Variants in VPS13A observed in about 807,000 individuals in gnomAD.
VPS13A encodes the protein intermembrane lipid transfer protein VPS13A.
Under a neutral mutation model 390.9 loss-of-function variants are expected in VPS13A, and 264 were observed. The observed-to-expected ratio is 0.68, with a 90% confidence interval of 0.61 to 0.75. The LOEUF (loss-of-function observed/expected upper bound fraction) is 0.75, where lower values mean the gene tolerates loss of function less well. Ranked by LOEUF, VPS13A falls within the 30% of genes least tolerant of loss-of-function variation. The probability of loss-of-function intolerance (pLI) is 0.00; values close to 1 mark genes in which losing one functional copy is unlikely to be tolerated. For missense variants in VPS13A, 3,409 were observed against 3,733.9 expected, an observed-to-expected ratio of 0.91 and a Z score of 2.27; for synonymous variants, 1,231 against 1,227.1, an observed-to-expected ratio of 1.00 and a Z score of -0.07.
In VPS13A at chr9:77,353,673, A is replaced by G. The variant is rs1483106567; in HGVS notation, c.7652+32A>G. On this transcript the variant is annotated intron_variant, in intron 54 of 71. Coordinates refer to ENST00000360280, the MANE Select transcript of VPS13A (RefSeq NM_033305.3). ...TGCATTAAATTTTGGATACATTTAA[A>G]TGATCAGTTTCTAATTGTTAAGAAA... 6 of 1,546,892 alleles carry G rather than the reference A, an allele frequency of 3.9e-6. No individual in the cohort carries two copies. The African/African-American group carries it at 4.1e-5, about 11-fold the overall frequency.
At chr9:77,251,870 A>G (rs749771554) in intron 21 of VPS13A, among the ~76,000 whole-genome samples, 1 of 152,206 alleles carries the variant, frequency 6.6e-6, no homozygotes, top group African/African-American at 2.4e-5. Context: ...TGGGATTATT[A>G]TACAGAATTT....
chr9:77,370,609 T>C (rs773035615), intron 65 of VPS13A, 31 bp downstream of exon 65: 1 of 1,613,568 alleles, frequency 6.2e-7, no homozygotes, highest in Admixed American at 1.7e-5. Flanking sequence ...GTGAAGATTT[T>C]GGGAAATATC....
In VPS13A at chr9:77,357,849, C is replaced by G. The variant is rs775898467; in HGVS notation, c.7953+11C>G. ...ATTTACAGAATACAGGTAAGTCTTT[C>G]TGAAAATATAGGCAAAATTGTATTC... On this transcript the variant is annotated intron_variant, in intron 56 of 71. Transcript: ENST00000360280. 96 of 1,606,484 alleles carry G rather than the reference C, an allele frequency of 6.0e-5. No homozygotes were observed. The highest frequency in any genetic ancestry group is 8.1e-5 in the Non-Finnish European group (95 of 1,176,646).
At chr9:77,350,633 G>A (rs1196155447) in intron 52 of VPS13A, among the ~76,000 whole-genome samples, 1 of 152,096 alleles carries the variant, frequency 6.6e-6, no homozygotes, top group Non-Finnish European at 1.5e-5. Flanking sequence ...AACTGTGAGA[G>A]TAACATTTTT....
At chr9:77,409,461 C>T (rs1246083462) in intron 71 of VPS13A, among the ~76,000 whole-genome samples, 3 of 152,134 alleles carry the variant, frequency 2.0e-5, no homozygotes, top group Non-Finnish European at 4.4e-5. Context: ...ATGACTTTGA[C>T]AAGTTGAGAG....
chr9:77,193,790 A>G (rs959592093), intron 1 of VPS13A, among the ~76,000 whole-genome samples: 3 of 152,122 alleles, frequency 2.0e-5, no homozygotes, highest in Non-Finnish European at 2.9e-5. Context: ...TCCAGTTGCT[A>G]TCCTTTGAAT....
intron 22 of VPS13A, among the ~76,000 whole-genome samples, chr9:77,254,523 G>T (rs2131278669): frequency 6.6e-6 from 1 of 152,068 alleles, no homozygotes; most frequent in South Asian, 2.1e-4. Context: ...GGGATCCTTT[G>T]GTATTCCATA....
chr9:77,334,847 G>A (rs991633989), intron 46 of VPS13A, among the ~76,000 whole-genome samples: 1 of 152,166 alleles, frequency 6.6e-6, no homozygotes, highest in African/African-American at 2.4e-5. Context: ...AAGTAGAATA[G>A]GCTATATCTG....
At chr9:77,392,714 CTA>C (rs549127165) in intron 68 of VPS13A, among the ~76,000 whole-genome samples, 2 of 150,508 alleles carry the variant, frequency 1.3e-5, no homozygotes, top group Non-Finnish European at 3.0e-5. Context: ...CGTTAAAAAA[CTA>C]TATATACACT....
chr9:77,259,268 C>T (rs1032240171), intron 22 of VPS13A, among the ~76,000 whole-genome samples: 2 of 152,056 alleles, frequency 1.3e-5, no homozygotes, highest in African/African-American at 2.4e-5. Context: ...CATCTTTAGA[C>T]TGCGCAACTT....
Position 77,250,099 on chromosome 9 carries a change from G to T in VPS13A, c.2040G>T (p.Val680=). 6.2e-7 allele frequency: 1 copy of T among 1,613,654 alleles called. No individual in the cohort carries two copies. Among genetic ancestry groups the T allele is most frequent in the South Asian group, 1.1e-5 (1 of 91,048 alleles). ...AAACTATTAAAATTAACTTGAAGGTGACGAGTAAAAGTCGTTCTGAATTAC... is the reference window on the plus strand; with the variant it reads ...AAACTATTAAAATTAACTTGAAGGTTACGAGTAAAAGTCGTTCTGAATTAC... ...LLLLDLGHLK[V]TSKSRSELPD... The change falls in exon 21 of 72, where the codon GTG becomes GTT. Residue 680 remains valine, a splice_region_variant and synonymous_variant. Transcript: ENST00000360280.
intron 23 of VPS13A, among the ~76,000 whole-genome samples, chr9:77,262,665 T>C (rs1182715983): frequency 2.6e-5 from 4 of 152,114 alleles, no homozygotes; most frequent in Non-Finnish European, 4.4e-5. Context: ...CTCCCACTTA[T>C]GAGTGAGAAC....
At chr9:77,337,743 A>G in intron 47 of VPS13A, 1 of 535,358 alleles carries the variant, frequency 1.9e-6, no homozygotes, top group East Asian at 3.1e-5. Context: ...ACAAAAAAGC[A>G]TGCTACATTA....
At chr9:77,384,877 G>C in intron 68 of VPS13A, 1 of 1,420,748 alleles carries the variant, frequency 7.0e-7, no homozygotes, top group Non-Finnish European at 9.2e-7. Context: ...ATCCAAAGTA[G>C]GGAGGGCATC....
At chr9:77,257,426 G>C (rs931755422) in intron 22 of VPS13A, among the ~76,000 whole-genome samples, 26 of 151,754 alleles carry the variant, frequency 1.7e-4, no homozygotes, top group Non-Finnish European at 3.5e-4. Context: ...TGTAGAGATG[G>C]GTCTTGCTAT....
intron 67 of VPS13A, among the ~76,000 whole-genome samples, chr9:77,381,736 G>A (rs1833449649): frequency 1.3e-5 from 2 of 152,010 alleles, no homozygotes; most frequent in African/African-American, 2.4e-5. Flanking sequence ...AAAAGAAAAA[G>A]CAACAATTGC....
At chr9:77,216,316 C>T (rs994733657) in intron 10 of VPS13A, among the ~76,000 whole-genome samples, 1 of 151,962 alleles carries the variant, frequency 6.6e-6, no homozygotes, top group African/African-American at 2.4e-5. Context: ...TGTTGGAGAG[C>T]GAAGGGGGAA....
chr9:77,212,962 T>G lies in VPS13A; in HGVS notation c.556-7T>G, dbSNP rs753936313. ...TTTTTACTGCCATTGTTTTTTTTCC[T>G]TTTCAGACAACTGATCAATACTGGG... On this transcript the variant is annotated splice_polypyrimidine_tract_variant and splice_region_variant and intron_variant, in intron 7 of 71. Coordinates refer to ENST00000360280, the MANE Select transcript of VPS13A (RefSeq NM_033305.3). 6.2e-7 allele frequency: 1 copy of G among 1,613,888 alleles called. No homozygotes were observed. The highest frequency in any genetic ancestry group is 1.1e-5 in the South Asian group (1 of 91,072).
chr9:77,236,819 C>T (rs1300582864), intron 17 of VPS13A, among the ~76,000 whole-genome samples: 3 of 152,132 alleles, frequency 2.0e-5, no homozygotes, highest in South Asian at 2.1e-4. Context: ...TTTTCTGTAA[C>T]GTGGTGTGGG....
Sources: allele counts gnomAD v4.1 joint callset (sites outside exome capture counted in the v4.1 genomes callset), GRCh38; gene constraint gnomAD v4.1.1; transcripts MANE v1.5; gene names NCBI Gene and HGNC (gene_info 2026-07-23, HGNC 2026-07-21).